Variants in SNX29 observed in about 807,000 individuals in gnomAD.
SNX29 encodes the protein sorting nexin 29, also known as sorting nexin-29.
In SNX29, 78 loss-of-function variants were observed where a neutral mutation model predicts 102.1. The observed-to-expected ratio is 0.76, with a 90% CI of 0.64 to 0.92. The LOEUF (loss-of-function observed/expected upper bound fraction) is 0.92, where lower values mean the gene tolerates loss of function less well. Ranked by LOEUF, SNX29 falls within the 40% of genes least tolerant of loss-of-function variation. The pLI is 0.00. For synonymous variants in SNX29, 580 were observed against 414.5 expected (o/e 1.40, Z -4.85); for missense variants, 1,280 against 1,061.7 (o/e 1.21, Z -2.86).
intron 14 of SNX29, among the ~76,000 whole-genome samples, chr16:12,208,264 T>A (rs2077095617): frequency 6.6e-6 from 1 of 152,172 alleles, no homozygotes; most frequent in African/African-American, 2.4e-5. Context: ...ACAAGAACTC[T>A]ACCCACTGCA....
chr16:11,990,129 T>G (rs1453889873), intron 1 of SNX29, among the ~76,000 whole-genome samples: 1 of 152,202 alleles, frequency 6.6e-6, no homozygotes, highest in East Asian at 1.9e-4. Flanking sequence ...ATGTGAGGGT[T>G]AAACGTATGT....
chr16:12,352,203 C>G (rs1057081764), intron 15 of SNX29, among the ~76,000 whole-genome samples: 4 of 152,154 alleles, frequency 2.6e-5, no homozygotes, highest in Admixed American at 2.6e-4. Flanking sequence ...ATGATGAGTT[C>G]ATGTCCTTTG....
chr16:12,537,709 AAAGGG>A (rs769020097), intron 20 of SNX29, among the ~76,000 whole-genome samples: 35 of 152,284 alleles, frequency 2.3e-4, no homozygotes, highest in Non-Finnish European at 4.4e-4. Context: ...CACTTTGGAA[AAAGGG>A]AAGCAGAGTA....
chr16:12,539,215 CAAGATA>C, intron 20 of SNX29, among the ~76,000 whole-genome samples: 1 of 152,282 alleles, frequency 6.6e-6, no homozygotes, highest in East Asian at 1.9e-4. Context: ...CCATCACCGT[CAAGATA>C]TAGACCAGTT....
rs114198906 is a variant in SNX29 at position 12,149,199 on chromosome 16, C to T, written c.1595+19441C>T. ...ATGGTCTAAAGTGGCTGCTGGAGCC[C>T]CAGCCCTGACACCTGTGTTCTTGGC... On this transcript the variant is annotated intron_variant, in intron 13 of 20. Coordinates refer to ENST00000566228, the MANE Select transcript of SNX29 (RefSeq NM_032167.5). 3.3e-5 allele frequency among the ~76,000 whole-genome samples: 5 copies of T among 152,270 alleles called. No homozygotes were observed. The East Asian group carries it at 9.6e-4, about 29-fold the overall frequency.
chr16:12,360,925 C>G (rs2082282777), intron 16 of SNX29, among the ~76,000 whole-genome samples: 1 of 152,170 alleles, frequency 6.6e-6, no homozygotes, highest in Non-Finnish European at 1.5e-5. Context: ...TGGATTCAGA[C>G]TCCGGTTTAA....
chr16:12,549,815 C>G (rs1014198284), intron 20 of SNX29, among the ~76,000 whole-genome samples: 3 of 152,256 alleles, frequency 2.0e-5, no homozygotes, highest in Non-Finnish European at 4.4e-5. Flanking sequence ...CTTCTGTGCC[C>G]TGTGTGGCCA....
intron 20 of SNX29, among the ~76,000 whole-genome samples, chr16:12,568,049 A>T (rs1222994533): frequency 1.3e-5 from 2 of 152,148 alleles, no homozygotes; most frequent in Non-Finnish European, 2.9e-5. Context: ...CTAGGGCCTG[A>T]TTATTTTCTT....
intron 14 of SNX29, among the ~76,000 whole-genome samples, chr16:12,213,068 C>T (rs1332891379): frequency 6.6e-6 from 1 of 152,050 alleles, no homozygotes; most frequent in Non-Finnish European, 1.5e-5. Context: ...GAGCCGAGAT[C>T]GTGCCACTGC....
chr16:12,423,411 G>C (rs1357731670), intron 18 of SNX29, among the ~76,000 whole-genome samples: 1 of 152,098 alleles, frequency 6.6e-6, no homozygotes, highest in Admixed American at 6.5e-5. Flanking sequence ...AGCTGCAGCC[G>C]GCATCACTCA....
chr16:12,536,758 A>T (rs373629585), intron 20 of SNX29, among the ~76,000 whole-genome samples: 10 of 152,292 alleles, frequency 6.6e-5, no homozygotes, highest in East Asian at 1.9e-4. Context: ...CAGGCGGATC[A>T]GGAGGCCAGG....
chr16:12,541,989 G>A (rs972761165), intron 20 of SNX29, among the ~76,000 whole-genome samples: 3 of 152,162 alleles, frequency 2.0e-5, no homozygotes, highest in Non-Finnish European at 1.5e-5. Context: ...TGTCTTATGA[G>A]TCCAGAAGGG....
intron 18 of SNX29, among the ~76,000 whole-genome samples, chr16:12,461,195 A>G (rs940196776): frequency 1.3e-5 from 2 of 152,186 alleles, no homozygotes; most frequent in East Asian, 1.9e-4. Flanking sequence ...TATTGTGTCC[A>G]TAACCACTGC....
At chr16:12,497,431 C>T (rs1004532387) in intron 19 of SNX29, among the ~76,000 whole-genome samples, 9 of 152,126 alleles carry the variant, frequency 5.9e-5, no homozygotes, top group African/African-American at 1.9e-4. Flanking sequence ...TGGGAGCACA[C>T]GGGAGAGTGT....
intron 13 of SNX29, among the ~76,000 whole-genome samples, chr16:12,189,319 A>G (rs1232741397): frequency 6.6e-6 from 1 of 152,194 alleles, no homozygotes; most frequent in Non-Finnish European, 1.5e-5. Flanking sequence ...GGAATGACAC[A>G]TGGCATGTGA....
chr16:12,308,487 A>G (rs761767251), intron 15 of SNX29, among the ~76,000 whole-genome samples: 4 of 152,128 alleles, frequency 2.6e-5, no homozygotes, highest in Non-Finnish European at 5.9e-5. Context: ...AGATACTGTC[A>G]TTAATCCTCA....
At chr16:12,404,414 C>G (rs1240086318) in intron 18 of SNX29, among the ~76,000 whole-genome samples, 1 of 152,098 alleles carries the variant, frequency 6.6e-6, no homozygotes, top group African/African-American at 2.4e-5. Flanking sequence ...TCCTTCTCCT[C>G]CTCTCTCTTA....
At chr16:12,077,728 C>G (rs932896174) in intron 10 of SNX29, among the ~76,000 whole-genome samples, 15 of 152,256 alleles carry the variant, frequency 9.9e-5, no homozygotes, top group Admixed American at 9.8e-4. Context: ...TGAAGTGATT[C>G]TCCTGCCTCA....
intron 20 of SNX29, among the ~76,000 whole-genome samples, chr16:12,560,353 C>T (rs1362180412): frequency 2.6e-5 from 4 of 152,080 alleles, no homozygotes; most frequent in East Asian, 1.9e-4. Flanking sequence ...GATTTACATT[C>T]ATCTGGTGAC....
Sources: gnomAD v4.1 joint callset for allele counts (sites outside exome capture counted in the v4.1 genomes callset) on GRCh38, gnomAD v4.1.1 for gene constraint, MANE v1.5 for transcripts, NCBI Gene and HGNC (gene_info 2026-07-23, HGNC 2026-07-21) for gene names.